Variants in ADAM19 observed in about 807,000 individuals in gnomAD.
ADAM19 encodes the protein ADAM metallopeptidase domain 19.
In ADAM19, 65 loss-of-function variants were observed where a neutral mutation model predicts 114.7. The observed-to-expected ratio is 0.57, with a 90% CI of 0.46 to 0.70. The LOEUF is 0.70. Among genes scored for constraint, ADAM19 ranks in the 30% least tolerant of loss-of-function variants. The pLI, the probability that ADAM19 is intolerant of heterozygous loss-of-function variation, is 0.00. For synonymous variants in ADAM19, 466 were observed against 460.5 expected, an observed-to-expected ratio of 1.01 and a Z score of -0.15; for missense variants, 1,063 against 1,204.7, an observed-to-expected ratio of 0.88 and a Z score of 1.74.
rs754687638 is a variant in ADAM19 at position 157,480,160 on chromosome 5, G to C, written c.*789C>G. 1 of 986,022 alleles carries C rather than the reference G, an allele frequency of 1.0e-6. No individual in the cohort carries two copies. The highest frequency in any genetic ancestry group is 1.2e-6 in the Non-Finnish European group (1 of 830,096). The allele number at this position is 986,022 out of a possible 1,614,324, so 61.1% of individuals were successfully genotyped here. A position where few individuals can be genotyped will look rare whatever the true frequency, so the allele number is the denominator to read the frequency against. On this transcript the variant is annotated 3_prime_UTR_variant, in exon 23 of 23. Transcript: ENST00000257527. ...GAGAGGGGAAGGAAGAGAGAAAAGCGTGGGGCACCAGGAAAGTGCGGCAGA... is the reference window on the plus strand; with the variant it reads ...GAGAGGGGAAGGAAGAGAGAAAAGCCTGGGGCACCAGGAAAGTGCGGCAGA...
intron 14 of ADAM19, 51 bp from the exon 15 acceptor site, chr5:157,494,846 A>G (rs1164946105): frequency 7.0e-7 from 1 of 1,436,606 alleles, no homozygotes; most frequent in Non-Finnish European, 9.8e-7. Context: ...AGAAGCCCCC[A>G]AGGGCAAAGG....
At chr5:157,573,404 A>T (rs1706650792) in intron 1 of ADAM19, among the ~76,000 whole-genome samples, 1 of 152,208 alleles carries the variant, frequency 6.6e-6, no homozygotes, top group African/African-American at 2.4e-5. Flanking sequence ...ATCTATATAT[A>T]TCTATAGAAT....
chr5:157,540,066 T>C (rs1289155874), intron 3 of ADAM19, among the ~76,000 whole-genome samples: 1 of 152,256 alleles, frequency 6.6e-6, no homozygotes, highest in Admixed American at 6.5e-5. Context: ...GAGGATGATA[T>C]ACTCATTTGA....
At chr5:157,557,376 A>T (rs750778952) in intron 3 of ADAM19, among the ~76,000 whole-genome samples, 1 of 152,222 alleles carries the variant, frequency 6.6e-6, no homozygotes, top group Non-Finnish European at 1.5e-5. Context: ...GCTTGTGTGC[A>T]CAAGGCTTTC....
intron 16 of ADAM19, 91 bp from the exon 17 acceptor site, chr5:157,492,003 G>A: frequency 7.9e-7 from 1 of 1,273,142 alleles, no homozygotes; most frequent in Non-Finnish European, 1.1e-6. Flanking sequence ...AACATATGAG[G>A]ACCCATGGCC....
In ADAM19 at chr5:157,477,544, G is replaced by T; in HGVS notation, c.*3405C>A. On this transcript the variant is annotated 3_prime_UTR_variant, in exon 23 of 23. Transcript: ENST00000257527. ...GACGGTGTGAGAGGACGCGTTGGGG[G>T]TGACTTTGGAAATGTGGGCTTGGAT... The T allele has an allele frequency of 8.4e-7, 1 of 1,184,724 alleles. No homozygotes were observed. The allele number at this position is 1,184,724 out of a possible 1,614,324, so 73.4% of individuals were successfully genotyped here. A position where few individuals can be genotyped will look rare whatever the true frequency, so the allele number is the denominator to read the frequency against.
intron 3 of ADAM19, among the ~76,000 whole-genome samples, chr5:157,540,739 T>A (rs1220562211): frequency 6.6e-6 from 1 of 152,168 alleles, no homozygotes; most frequent in Non-Finnish European, 1.5e-5. Flanking sequence ...TATTCACCAC[T>A]GGACACCTCC....
chr5:157,515,298 T>A (rs957474402), intron 7 of ADAM19, among the ~76,000 whole-genome samples: 4 of 152,254 alleles, frequency 2.6e-5, no homozygotes, highest in Non-Finnish European at 4.4e-5. Flanking sequence ...TTTAGTAATA[T>A]TTATTAGAAC....
intron 7 of ADAM19, 90 bp from the exon 8 acceptor site, chr5:157,513,595 A>C (rs1282199377): frequency 8.3e-7 from 1 of 1,206,872 alleles, no homozygotes; most frequent in Non-Finnish European, 1.2e-6. Flanking sequence ...ATTTGCTCTT[A>C]TTTTCTTCTG....
At chr5:157,525,250 G>A (rs1291269666) in intron 5 of ADAM19, among the ~76,000 whole-genome samples, 1 of 152,160 alleles carries the variant, frequency 6.6e-6, no homozygotes, top group Admixed American at 6.5e-5. Context: ...GATCCATTCT[G>A]CAGAAGGAAG....
rs1057506024 is a variant in ADAM19, at chr5:157,521,782, C to T, written c.408-1751G>A. Among the ~76,000 whole-genome samples, 4 of 152,346 alleles carry T rather than the reference C, an allele frequency of 2.6e-5. No individual in the cohort carries two copies. The East Asian group carries it at 7.7e-4, about 29-fold the overall frequency. Reference sequence around the variant, plus strand: ...CAGGAAAGGGCAGAGGAGAGAGCTGCTGCACGCATCCTGTTCCCAAGTTAT... The same window carrying T: ...CAGGAAAGGGCAGAGGAGAGAGCTGTTGCACGCATCCTGTTCCCAAGTTAT... On this transcript the variant is annotated intron_variant, in intron 5 of 22. Coordinates refer to ENST00000257527, the MANE Select transcript of ADAM19 (RefSeq NM_033274.5).
chr5:157,522,691 C>G (rs1286322658), intron 5 of ADAM19, among the ~76,000 whole-genome samples: 2 of 152,134 alleles, frequency 1.3e-5, no homozygotes, highest in African/African-American at 4.8e-5. Flanking sequence ...GAGGCTGAGG[C>G]AGGAGAATTG....
In ADAM19 at chr5:157,479,877, C is replaced by T. The variant is rs1754693253; in HGVS notation, c.*1072G>A. 5.1e-6 allele frequency: 5 copies of T among 985,684 alleles called. No homozygotes were observed. The highest frequency in any genetic ancestry group is 6.0e-6 in the Non-Finnish European group (5 of 830,000). The allele number at this position is 985,684 out of a possible 1,614,324, so 61.1% of individuals were successfully genotyped here. A position where few individuals can be genotyped will look rare whatever the true frequency, so the allele number is the denominator to read the frequency against. The stretch of plus-strand genomic sequence containing the variant: ...AATAGCTGGGCTCCCTAAGGGGAAA[C>T]CTCACCTAGATTTAGCTTAGAGTAA... On this transcript the variant is annotated 3_prime_UTR_variant, in exon 23 of 23. Transcript: ENST00000257527.
In ADAM19 at chr5:157,477,786, AG is replaced by A; in HGVS notation, c.*3162del. 1 of 1,218,004 alleles carries A rather than the reference AG, an allele frequency of 8.2e-7. No homozygotes were observed. The highest frequency in any genetic ancestry group is 1.3e-5 in the South Asian group (1 of 79,526). The allele number at this position is 1,218,004 out of a possible 1,614,324, so 75.4% of individuals were successfully genotyped here. A position where few individuals can be genotyped will look rare whatever the true frequency, so the allele number is the denominator to read the frequency against. Reference sequence around the variant, plus strand: ...GTAGGCAGGGAGAGACTTCCAATAAAGATTGGAAAGGCGTATTGCAGGAGGT... The same window carrying A: ...GTAGGCAGGGAGAGACTTCCAATAAAATTGGAAAGGCGTATTGCAGGAGGT... On this transcript the variant is annotated 3_prime_UTR_variant, in exon 23 of 23. Transcript: ENST00000257527.
intron 3 of ADAM19, among the ~76,000 whole-genome samples, chr5:157,547,670 C>T (rs1301312841): frequency 6.6e-6 from 1 of 152,218 alleles, no homozygotes; most frequent in Non-Finnish European, 1.5e-5. Context: ...ATTAAGACAA[C>T]TATCCTGCTA....
intron 11 of ADAM19, among the ~76,000 whole-genome samples, chr5:157,503,901 G>A (rs1000266019): frequency 6.6e-6 from 1 of 152,132 alleles, no homozygotes; most frequent in Non-Finnish European, 1.5e-5. Flanking sequence ...GAAGGTCCTG[G>A]GTCCCACCAT....
chr5:157,539,779 T>G (rs1264084539), intron 3 of ADAM19, among the ~76,000 whole-genome samples: 1 of 152,220 alleles, frequency 6.6e-6, no homozygotes, highest in African/African-American at 2.4e-5. Flanking sequence ...GTCACCCATT[T>G]GCCTGAGGGA....
At chr5:157,539,130 G>A (rs1420592556) in intron 3 of ADAM19, among the ~76,000 whole-genome samples, 1 of 150,256 alleles carries the variant, frequency 6.7e-6, no homozygotes, top group Non-Finnish European at 1.5e-5. Context: ...TCCAGCCTAG[G>A]TGACAAGAGC....
At chr5:157,522,204 A>C (rs1351907448) in intron 5 of ADAM19, among the ~76,000 whole-genome samples, 3 of 152,220 alleles carry the variant, frequency 2.0e-5, no homozygotes, top group Non-Finnish European at 4.4e-5. Flanking sequence ...ATTGTCCCCA[A>C]CGTACAAATG....
Sources: gnomAD v4.1 joint callset for allele counts (sites outside exome capture counted in the v4.1 genomes callset) on GRCh38, gnomAD v4.1.1 for gene constraint, MANE v1.5 for transcripts, NCBI Gene and HGNC (gene_info 2026-07-23, HGNC 2026-07-21) for gene names.